Variants in ROBO2 observed in about 807,000 individuals in gnomAD.
ROBO2 encodes roundabout guidance receptor 2.
In ROBO2, 53 loss-of-function variants were observed where a neutral mutation model predicts 160.8. The ratio of observed to expected loss-of-function variants is 0.33; its 90% CI spans 0.26 to 0.41. The LOEUF (loss-of-function observed/expected upper bound fraction) is 0.41. Among genes scored for constraint, ROBO2 ranks in the 10% least tolerant of loss-of-function variants. The pLI, the probability that ROBO2 is intolerant of heterozygous loss-of-function variation, is 1.00. For synonymous variants in ROBO2, 664 were observed against 611.7 expected (o/e 1.09, Z -1.26); for missense variants, 1,577 against 1,722.4 (o/e 0.92, Z 1.49).
chr3:76,307,805 G>C (rs2071397249), intron 2 of ROBO2, among the ~76,000 whole-genome samples: 1 of 152,012 alleles, frequency 6.6e-6, no homozygotes, highest in African/African-American at 2.4e-5. Flanking sequence ...CATCTCACAA[G>C]TTCATGAAAA....
chr3:77,460,626 A>AACAC (rs994637340), intron 2 of ROBO2, among the ~76,000 whole-genome samples: 1 of 152,220 alleles, frequency 6.6e-6, no homozygotes, highest in African/African-American at 2.4e-5. Context: ...CAAGGTAAAA[A>AACAC]ACACACATTT....
chr3:76,972,718 G>A (rs2059630686), intron 2 of ROBO2, among the ~76,000 whole-genome samples: 1 of 151,980 alleles, frequency 6.6e-6, no homozygotes, highest in East Asian at 1.9e-4. Context: ...AATTAGCCAA[G>A]CCTATTGGTG....
chr3:76,158,938 C>T (rs955023336), intron 2 of ROBO2, among the ~76,000 whole-genome samples: 7 of 152,040 alleles, frequency 4.6e-5, no homozygotes, highest in African/African-American at 1.4e-4. Flanking sequence ...AATTCTTATG[C>T]ACAGTGAAAC....
intron 2 of ROBO2, among the ~76,000 whole-genome samples, chr3:77,104,048 A>T (rs958791147): frequency 7.9e-5 from 12 of 152,232 alleles, no homozygotes; most frequent in African/African-American, 2.9e-4. Context: ...TTTAAAAAAA[A>T]TGCTTAATTG....
At chr3:76,175,543 A>G (rs1334915438) in intron 2 of ROBO2, among the ~76,000 whole-genome samples, 1 of 152,102 alleles carries the variant, frequency 6.6e-6, no homozygotes, top group Non-Finnish European at 1.5e-5. Context: ...TAATGACATA[A>G]TGTAGGGACC....
At chr3:76,663,642 C>T (rs988229806) in intron 2 of ROBO2, among the ~76,000 whole-genome samples, 6 of 151,946 alleles carry the variant, frequency 3.9e-5, no homozygotes, top group Admixed American at 2.0e-4. Context: ...ATTAGTCATT[C>T]GTTATGATGC....
intron 2 of ROBO2, among the ~76,000 whole-genome samples, chr3:76,002,630 C>A (rs564782672): frequency 6.6e-5 from 10 of 152,216 alleles, no homozygotes; most frequent in South Asian, 2.1e-4. Context: ...TGAGGCCTTC[C>A]CAGCACGTGG....
chr3:75,927,515 C>T (rs920742727), intron 1 of ROBO2, among the ~76,000 whole-genome samples: 8 of 152,190 alleles, frequency 5.3e-5, no homozygotes, highest in African/African-American at 1.7e-4. Context: ...GATTTCTTAA[C>T]TTTAAGACTA....
At chr3:76,846,587 C>T (rs1166084082) in intron 2 of ROBO2, among the ~76,000 whole-genome samples, 1 of 152,098 alleles carries the variant, frequency 6.6e-6, no homozygotes, top group Non-Finnish European at 1.5e-5. Context: ...ATTCTAATTA[C>T]TCGATAACGT....
intron 1 of ROBO2, among the ~76,000 whole-genome samples, chr3:75,911,060 T>G (rs1489611602): frequency 6.6e-6 from 1 of 151,802 alleles, no homozygotes; most frequent in African/African-American, 2.4e-5. Context: ...GAGTGAAAAA[T>G]GTAGTTTTTT....
chr3:77,414,972 C>T (rs990419889), intron 2 of ROBO2, among the ~76,000 whole-genome samples: 1 of 152,172 alleles, frequency 6.6e-6, no homozygotes, highest in African/African-American at 2.4e-5. Context: ...TAAGACTCCA[C>T]CCCTGCCTTC....
At chr3:76,574,647 A>G (rs1475638111) in intron 2 of ROBO2, among the ~76,000 whole-genome samples, 3 of 152,126 alleles carry the variant, frequency 2.0e-5, no homozygotes, top group African/African-American at 7.2e-5. Context: ...TCATAGAGAA[A>G]CATTATGAAT....
intron 2 of ROBO2, among the ~76,000 whole-genome samples, chr3:76,760,308 C>T (rs2061230856): frequency 6.6e-6 from 1 of 151,458 alleles, no homozygotes; most frequent in Non-Finnish European, 1.5e-5. Context: ...TCTATTTTTC[C>T]TATTGTAAAA....
intron 1 of ROBO2, among the ~76,000 whole-genome samples, chr3:75,935,405 G>T (rs1576202900): frequency 6.6e-6 from 1 of 151,968 alleles, no homozygotes; most frequent in Non-Finnish European, 1.5e-5. Context: ...TGAGCTACTC[G>T]AGAGGCCGAG....
At chr3:77,617,546 A>G (rs1340053451) in exon 22 of ROBO2, 1 of 1,614,188 alleles carries the variant, frequency 6.2e-7, no homozygotes, top group South Asian at 1.1e-5. Context: ...CACCATTGCC[A>G]GTACAAACTT....
intron 2 of ROBO2, among the ~76,000 whole-genome samples, chr3:76,073,267 CTTTTTTTTTTTTTTTTTT>C (rs869307615): frequency 0.014 from 814 of 57,276 alleles, 113 homozygotes; most frequent in African/African-American, 0.046. Flanking sequence ...AATGAGTATT[CTTTTTTTTTTTTTTTTTT>C]TTTTTTTTTT....
intron 6 of ROBO2, among the ~76,000 whole-genome samples, chr3:77,530,577 A>G (rs1335921783): frequency 6.6e-6 from 1 of 152,026 alleles, no homozygotes; most frequent in African/African-American, 2.4e-5. Flanking sequence ...GGACGTTCAT[A>G]TACTTGCCAA....
At chr3:76,413,922 C>G (rs917148761) in intron 2 of ROBO2, among the ~76,000 whole-genome samples, 1 of 119,006 alleles carries the variant, frequency 8.4e-6, no homozygotes, top group Non-Finnish European at 1.8e-5. Flanking sequence ...AAGACATACC[C>G]AAGACTGGGA....
intron 2 of ROBO2, among the ~76,000 whole-genome samples, chr3:77,219,468 G>GTATATATATATATATATATATA (rs34026358): frequency 5.8e-4 from 71 of 122,218 alleles, no homozygotes; most frequent in Non-Finnish European, 1.1e-3. Flanking sequence ...ATGTATCTGT[G>GTATATATATATATATATATATA]TATATATATA....
Sources: gnomAD v4.1 joint callset for allele counts (sites outside exome capture counted in the v4.1 genomes callset) on GRCh38, gnomAD v4.1.1 for gene constraint, MANE v1.5 for transcripts, NCBI Gene and HGNC (gene_info 2026-07-23, HGNC 2026-07-21) for gene names.